PKD1: variants seen among roughly 807,000 people sequenced by gnomAD.
PKD1 encodes the protein polycystin-1.
In PKD1, 81 loss-of-function variants were observed where a neutral mutation model predicts 361.7. That is an observed-to-expected ratio of 0.22 (90% confidence interval 0.19 to 0.27). PKD1 has a LOEUF of 0.27. Among genes scored for constraint, PKD1 ranks in the 10% least tolerant of loss-of-function variants. The pLI, the probability that PKD1 is intolerant of heterozygous loss-of-function variation, is 1.00. For missense variants in PKD1, 6,399 were observed against 6,118.3 expected, an observed-to-expected ratio of 1.05 and a Z score of -1.53; for synonymous variants, 3,615 against 2,818.3, an observed-to-expected ratio of 1.28 and a Z score of -8.95.
At chr16:2,117,191 C>A in intron 6 of PKD1, 138 bp from the exon 7 acceptor site, 1 of 643,920 alleles carries the variant, frequency 1.6e-6, no homozygotes. Context: ...AGACCAGGGC[C>A]CACCAGCCCA....
intron 26 of PKD1, among the ~76,000 whole-genome samples, chr16:2,101,746 G>A (rs530832731): frequency 9.2e-4 from 140 of 152,402 alleles, no homozygotes; most frequent in Non-Finnish European, 1.6e-3. Context: ...GAGCTATGCA[G>A]TCAGGATCGC....
chr16:2,130,466 A>C (rs1309313555), intron 1 of PKD1, among the ~76,000 whole-genome samples: 1 of 152,130 alleles, frequency 6.6e-6, no homozygotes. Context: ...CTGTCCTTGG[A>C]GAATCATCTG....
rs1475263052 is a variant in PKD1, at chr16:2,116,573, G to A, written c.1678C>T (p.Leu560=). The A allele has an allele frequency of 1.9e-6, 3 of 1,570,898 alleles. No homozygotes were observed. The highest frequency in any genetic ancestry group is 3.6e-5 in the Admixed American group (2 of 55,912). The part of the protein sequence containing the change: ...SGDLQGPLTP[L]AQQDGLSAPH... Reference sequence around the variant, plus strand: ...GCTGAGAGGCCGTCCTGCTGTGCCAGAGGCGTCAGGGGTCCCTGCAGGTCC... The same window carrying A: ...GCTGAGAGGCCGTCCTGCTGTGCCAAAGGCGTCAGGGGTCCCTGCAGGTCC... Residue 560 remains leucine, a synonymous_variant, in exon 8 of 46, where the codon CTG becomes TTG. Transcript: ENST00000262304.
intron 10 of PKD1, 31 bp downstream of exon 10, chr16:2,115,347 C>G (rs749451867): frequency 6.8e-7 from 1 of 1,477,892 alleles, no homozygotes; most frequent in South Asian, 1.2e-5. Flanking sequence ...TGAGGAGATG[C>G]AGGGAACAGA....
At chr16:2,125,807 G>A (rs78969059) in intron 1 of PKD1, among the ~76,000 whole-genome samples, 17,373 of 151,382 alleles carry the variant, frequency 0.11, 1,436 homozygotes, top group African/African-American at 0.23. Flanking sequence ...CAGGCGTTGT[G>A]ACCCCCTTGC....
rs748581780 is a variant in PKD1, at chr16:2,104,607, C to T, written c.8052G>A (p.Leu2684=). 10 of 1,591,444 alleles carry T rather than the reference C, an allele frequency of 6.3e-6. No homozygotes were observed. Among genetic ancestry groups the T allele is most frequent in the African/African-American group, 2.7e-5 (2 of 73,104 alleles). ...CCTCCAGCTTGTGCAGCGTCTGCTT[C>T]AGGCACGAGCGGCATACGAGCTCCC... ...PSRELVCRSC[L]KQTLHKLEAM... Residue 2684 remains leucine (L), a synonymous_variant, in exon 22 of 46, where the codon CTG becomes CTA. Coordinates refer to ENST00000262304, the MANE Select transcript of PKD1 (RefSeq NM_001009944.3).
rs1352810444 is a variant in PKD1, at chr16:2,104,367, G to A, written c.8161+131C>T. ...ATGGGAATTGGGGGAGGGGGATGAG[G>A]ATGGGAATTGGGGGGAGGGGAGGGG... On this transcript the variant is annotated intron_variant, in intron 22 of 45. Transcript: ENST00000262304. 641 of 548,792 alleles carry A rather than the reference G, an allele frequency of 1.2e-3. 9 individuals carry two copies. Among genetic ancestry groups the A allele is most frequent in the South Asian group, 7.5e-3 (402 of 53,344 alleles). 34.0% of individuals were successfully genotyped at this position (548,792 alleles called of 1,614,324 possible). A position where few individuals can be genotyped will look rare whatever the true frequency, so the allele number is the denominator to read the frequency against.
chr16:2,113,176 C>A lies in PKD1; in HGVS notation c.2970G>T (p.Ala990=), dbSNP rs750770129. 8.7e-6 allele frequency: 9 copies of A among 1,032,636 alleles called. No homozygotes were observed. The East Asian group carries it at 1.9e-4, about 22-fold the overall frequency. 64.0% of individuals were successfully genotyped at this position (1,032,636 alleles called of 1,614,324 possible). A position where few individuals can be genotyped will look rare whatever the true frequency, so the allele number is the denominator to read the frequency against. The part of the protein sequence containing the change: ...VVFNVIYQSA[A]VFKLSLTASN... Reference sequence around the variant, plus strand: ...GCCCACCTACTGAGAGCTTGAAGACCGCCGCGCTCTGATAAATGACATTGA... The same window carrying A: ...GCCCACCTACTGAGAGCTTGAAGACAGCCGCGCTCTGATAAATGACATTGA... Residue 990 remains alanine, a synonymous_variant, in exon 12 of 46, where the codon GCG becomes GCT. Transcript: ENST00000262304.
At position 2,111,623 on chromosome 16, in the gene PKD1, C is replaced by T; in HGVS notation, c.3544G>A (p.Ala1182Thr). The T allele has an allele frequency of 1.3e-6, 2 of 1,575,184 alleles. No individual in the cohort carries two copies. The highest frequency in any genetic ancestry group is 1.7e-6 in the Non-Finnish European group (2 of 1,161,694). ...CGCACGTGGTAGGTGCCCCTCGAGG[C>T]ATAGGTGTGGTTGGCAGCCGGCTGG... The part of the protein sequence containing the change: ...QSQPAANHTY[A>T]SRGTYHVRLE... The change falls in exon 15 of 46, where the codon GCC (alanine) becomes ACC (threonine). Residue 1182 changes from alanine to threonine, a missense_variant. By Grantham distance (58) the Ala-to-Thr change is moderately conservative (BLOSUM62 0). Coordinates refer to ENST00000262304, the MANE Select transcript of PKD1 (RefSeq NM_001009944.3).
At position 2,104,618 on chromosome 16, in the gene PKD1, G is replaced by C. The variant is rs540634317; in HGVS notation, c.8041C>G (p.Arg2681Gly). The C allele has an allele frequency of 5.1e-6, 8 of 1,581,130 alleles. No individual in the cohort carries two copies. The Admixed American group carries it at 5.1e-5, about 10-fold the overall frequency. Reference sequence around the variant, plus strand: ...TGCAGCGTCTGCTTCAGGCACGAGCGGCATACGAGCTCCCTGCTGGGCCCC... The same window carrying C: ...TGCAGCGTCTGCTTCAGGCACGAGCCGCATACGAGCTCCCTGCTGGGCCCC... ...CMGPSRELVC[R>G]SCLKQTLHKL... Residue 2681 changes from arginine (R) to glycine (G), a missense_variant, in exon 22 of 46, where the codon CGC becomes GGC. Coordinates refer to ENST00000262304, the MANE Select transcript of PKD1 (RefSeq NM_001009944.3).
chr16:2,102,194 G>A lies in PKD1; in HGVS notation c.9264C>T (p.Tyr3088=), dbSNP rs750888396. The A allele has an allele frequency of 2.0e-5, 30 of 1,508,072 alleles. No individual in the cohort carries two copies. Among genetic ancestry groups the A allele is most frequent in the Non-Finnish European group, 2.6e-5 (28 of 1,093,648 alleles). 93.4% of individuals were successfully genotyped at this position (1,508,072 alleles called of 1,614,324 possible). Residue 3088 remains tyrosine, a synonymous_variant, in exon 26 of 46, where the codon TAC becomes TAT. Coordinates refer to ENST00000262304, the MANE Select transcript of PKD1 (RefSeq NM_001009944.3). ...TGTGCAGGATGGCGGCCATGACCAT[G>A]TAGGTCACCAGGCACACAGCACATG... is the stretch of plus-strand genomic sequence containing the variant. ...MLTCAVCLVT[Y]MVMAAILHKL... is the part of the protein sequence containing the mutation.
In PKD1 at chr16:2,088,937, G is replaced by A. The variant is rs577103612; in HGVS notation, c.*790C>T. On this transcript the variant is annotated 3_prime_UTR_variant, in exon 46 of 46. Coordinates refer to ENST00000262304, the MANE Select transcript of PKD1 (RefSeq NM_001009944.3). ...CACCCTGGGAGCCAGCCCCCAGGAGGAGTCTTTTCCTCTAACCACCCTGGG... is the reference window on the plus strand; with the variant it reads ...CACCCTGGGAGCCAGCCCCCAGGAGAAGTCTTTTCCTCTAACCACCCTGGG... 1,757 of 377,202 alleles carry A rather than the reference G, an allele frequency of 4.7e-3. 6 individuals are homozygous for A. The highest frequency in any genetic ancestry group is 5.9e-3 in the Non-Finnish European group (1,200 of 202,448). The allele number at this position is 377,202 out of a possible 1,614,324, so 23.4% of individuals were successfully genotyped here. A position where few individuals can be genotyped will look rare whatever the true frequency, so the allele number is the denominator to read the frequency against.
chr16:2,113,210 T>C lies in PKD1; in HGVS notation c.2936A>G (p.Asn979Ser), dbSNP rs2092565885. The C allele has an allele frequency of 7.2e-7, 1 of 1,382,406 alleles. No homozygotes were observed. 85.6% of individuals were successfully genotyped at this position (1,382,406 alleles called of 1,614,324 possible). The change falls in exon 12 of 46, where the codon AAC (asparagine) becomes AGC (serine). Residue 979 changes from asparagine to serine, a missense_variant. By Grantham distance (46) the Asn-to-Ser change is conservative. Coordinates refer to ENST00000262304, the MANE Select transcript of PKD1 (RefSeq NM_001009944.3). The part of the protein sequence containing the change: ...INDKQSLTFQ[N>S]VVFNVIYQSA... ...CTGATAAATGACATTGAAGACCACG[T>C]TCTGGAAGGTCAGGGACTGCTTGTC...
chr16:2,110,570 C>T lies in PKD1; in HGVS notation c.4597G>A (p.Val1533Met), dbSNP rs778977119. 1.2e-6 allele frequency: 2 copies of T among 1,611,132 alleles called. No homozygotes were observed. The highest frequency in any genetic ancestry group is 1.3e-5 in the African/African-American group (1 of 74,996). ...TTGAGCCAGGCCTCGCTGCGGCTCACCTCATTCCAGCCGGCCACCCTAACG... is the reference window on the plus strand; with the variant it reads ...TTGAGCCAGGCCTCGCTGCGGCTCATCTCATTCCAGCCGGCCACCCTAACG... ...FTVRVAGWNE[V>M]SRSEAWLNVT... The change falls in exon 15 of 46, where the codon GTG becomes ATG. Residue 1533 changes from valine to methionine, a missense_variant. Transcript: ENST00000262304.
chr16:2,098,283 A>G (rs2091933300), intron 30 of PKD1: 2 of 468,596 alleles, frequency 4.3e-6, no homozygotes. Flanking sequence ...ATCTCAGCTC[A>G]CTGCAACCTC....
At position 2,109,712 on chromosome 16, in the gene PKD1, C is replaced by G; in HGVS notation, c.5455G>C (p.Ala1819Pro). The G allele has an allele frequency of 6.2e-7, 1 of 1,601,356 alleles. No individual in the cohort carries two copies. The highest frequency in any genetic ancestry group is 8.5e-7 in the Non-Finnish European group (1 of 1,175,494). ...CCCCAAAAGGGCACAGAGGACCCGG[C>G]CGCCACGAAGCTGCCTCCGGGCTCG... ...ASEPGGSFVAAGSSVPFWGQL... is the reference protein window; with the variant it reads ...ASEPGGSFVAPGSSVPFWGQL... The change falls in exon 15 of 46, where the codon GCC becomes CCC. Residue 1819 changes from alanine (A) to proline (P), a missense_variant. Transcript: ENST00000262304.
rs142024449 is a variant in PKD1, at chr16:2,102,846, G to C, written c.8916C>G (p.Asp2972Glu). 7 of 1,610,144 alleles carry C rather than the reference G, an allele frequency of 4.3e-6. No individual in the cohort carries two copies. The highest frequency in any genetic ancestry group is 5.9e-6 in the Non-Finnish European group (7 of 1,179,764). ...RIRPESLQGA[D>E]HRPYTFFISP... ...AAATGAAGAAGGTGTAGGGCCGGTGGTCAGCACCCTGGAGTGACTCTGGGC... is the reference window on the plus strand; with the variant it reads ...AAATGAAGAAGGTGTAGGGCCGGTGCTCAGCACCCTGGAGTGACTCTGGGC... The change falls in exon 24 of 46, where the codon GAC (aspartate) becomes GAG (glutamate). Residue 2972 changes from aspartate to glutamate, a missense_variant. Physicochemically the swap from Asp to Glu is conservative, Grantham distance 45 (BLOSUM62 2). Transcript: ENST00000262304.
At position 2,135,766 on chromosome 16, in the gene PKD1, G is replaced by T. The variant is rs1596637074; in HGVS notation, c.-77C>A. ...GGAGGCCGCAGCTCAGGCGGGGCCC[G>T]CGGACGGCATGGCGGGCGCGGGGCT... is the stretch of plus-strand genomic sequence containing the variant. On this transcript the variant is annotated 5_prime_UTR_variant, in exon 1 of 46. Coordinates refer to ENST00000262304, the MANE Select transcript of PKD1 (RefSeq NM_001009944.3). 2.1e-5 allele frequency: 20 copies of T among 950,020 alleles called. 1 individual carries two copies. In the African/African-American group the frequency reaches 2.1e-4, roughly 10 times the overall value. 58.8% of individuals were successfully genotyped at this position (950,020 alleles called of 1,614,324 possible).
intron 1 of PKD1, among the ~76,000 whole-genome samples, chr16:2,129,008 C>T (rs1345034051): frequency 6.6e-6 from 1 of 152,006 alleles, no homozygotes; most frequent in Non-Finnish European, 1.5e-5. Flanking sequence ...GGATTACAGG[C>T]GCCCACGACC....
Sources: allele counts gnomAD v4.1 joint callset (sites outside exome capture counted in the v4.1 genomes callset), GRCh38; gene constraint gnomAD v4.1.1; transcripts MANE v1.5; gene names NCBI Gene and HGNC (gene_info 2026-07-23, HGNC 2026-07-21).